DUSP13A: variants seen among roughly 807,000 people sequenced by gnomAD.
DUSP13A encodes the protein dual specificity protein phosphatase 13A.
chr10:75,108,402 G>GGT, the DUSP13A span: 15 of 1,025,610 alleles, frequency 1.5e-5, no homozygotes, highest in Non-Finnish European at 1.9e-5. Flanking sequence ...CTGAGCCGGC[G>GGT]GTGTGTGTGT....
At chr10:75,108,298 A>G in the DUSP13A span, 1 of 1,503,708 alleles carries the variant, frequency 6.7e-7, no homozygotes, top group Non-Finnish European at 8.8e-7. Flanking sequence ...AGAGGGACCG[A>G]GCCATTAGGG....
chr10:75,105,672 G>T, the DUSP13A span: 3 of 1,548,812 alleles, frequency 1.9e-6, no homozygotes, highest in Non-Finnish European at 2.6e-6. Context: ...TGGCCCCTCA[G>T]CTCTGGCCGG....
the DUSP13A span, chr10:75,109,050 G>C: frequency 3.3e-5 from 53 of 1,611,572 alleles, no homozygotes; most frequent in Non-Finnish European, 4.2e-5. Context: ...CGTCCACACG[G>C]CTGCAAGAAG....
At chr10:75,106,101 CTTTTTTT>C in the DUSP13A span, among the ~76,000 whole-genome samples, 1 of 123,022 alleles carries the variant, frequency 8.1e-6, no homozygotes, top group Non-Finnish European at 1.7e-5. Flanking sequence ...TCTTTCTTTT[CTTTTTTT>C]TTTTTTTTTT....
chr10:75,107,999 C>T, the DUSP13A span: 19 of 1,611,740 alleles, frequency 1.2e-5, no homozygotes, highest in Middle Eastern at 1.6e-4. Context: ...TACCCCCAGG[C>T]GTGTTGAGGG....
the DUSP13A span, chr10:75,108,142 T>C: frequency 2.5e-6 from 4 of 1,613,134 alleles, no homozygotes; most frequent in Non-Finnish European, 3.4e-6. Flanking sequence ...TAGAGGCCCT[T>C]GTGGGCGGCG....
chr10:75,107,046 A>G, the DUSP13A span, among the ~76,000 whole-genome samples: 477 of 152,278 alleles, frequency 3.1e-3, 2 homozygotes, highest in African/African-American at 0.011. Flanking sequence ...AGTTAAAAGT[A>G]CTTTGGGGGC....
chr10:75,106,636 C>T, the DUSP13A span, among the ~76,000 whole-genome samples: 1 of 152,232 alleles, frequency 6.6e-6, no homozygotes, highest in Admixed American at 6.5e-5. Flanking sequence ...GCCCTCCACA[C>T]TGGCCCACTC....
the DUSP13A span, chr10:75,108,281 C>G: frequency 2.6e-6 from 4 of 1,520,986 alleles, no homozygotes; most frequent in Non-Finnish European, 3.5e-6. Flanking sequence ...GCCTGGCCCC[C>G]TGCTGCAGAG....
At chr10:75,109,146 G>A in the DUSP13A span, 1 of 1,595,560 alleles carries the variant, frequency 6.3e-7, no homozygotes, top group Non-Finnish European at 8.5e-7. Context: ...CTGGGAGAGA[G>A]GTCTCAGCCA....
chr10:75,108,087 A>C, the DUSP13A span: 16 of 1,613,908 alleles, frequency 9.9e-6, no homozygotes, highest in Non-Finnish European at 1.4e-5. Flanking sequence ...TGGCACCCCC[A>C]GGTAGCTCAC....
the DUSP13A span, chr10:75,108,975 C>T: frequency 6.4e-7 from 1 of 1,570,028 alleles, no homozygotes; most frequent in East Asian, 2.3e-5. Flanking sequence ...CTCCACGTCC[C>T]CACCCCCATG....
At chr10:75,108,934 C>A in the DUSP13A span, 1 of 1,524,024 alleles carries the variant, frequency 6.6e-7, no homozygotes. Flanking sequence ...TTCCACCCTC[C>A]TGTGTCTGGT....
At chr10:75,108,933 C>T in the DUSP13A span, 3 of 1,523,504 alleles carry the variant, frequency 2.0e-6, no homozygotes, top group Non-Finnish European at 2.7e-6. Context: ...TTTCCACCCT[C>T]CTGTGTCTGG....
chr10:75,109,069 GC>G, the DUSP13A span: 1 of 1,612,272 alleles, frequency 6.2e-7, no homozygotes, highest in Non-Finnish European at 8.5e-7. Context: ...AGACTTCCCT[GC>G]CCGCAGGAGC....
At chr10:75,106,073 C>T in the DUSP13A span, among the ~76,000 whole-genome samples, 126 of 151,180 alleles carry the variant, frequency 8.3e-4, no homozygotes, top group African/African-American at 3.0e-3. Flanking sequence ...GGATAGGGTC[C>T]GAATTTCTTT....
the DUSP13A span, among the ~76,000 whole-genome samples, chr10:75,107,778 T>C: frequency 6.6e-6 from 1 of 152,208 alleles, no homozygotes; most frequent in Non-Finnish European, 1.5e-5. Flanking sequence ...GGTTTCACCG[T>C]GTTGGCCAGG....
the DUSP13A span, among the ~76,000 whole-genome samples, chr10:75,106,895 A>G: frequency 6.6e-6 from 1 of 152,256 alleles, no homozygotes; most frequent in Admixed American, 6.5e-5. Context: ...AGGAAACTGA[A>G]GTCCAGAAAG....
the DUSP13A span, among the ~76,000 whole-genome samples, chr10:75,107,071 C>T: frequency 2.0e-5 from 3 of 152,270 alleles, no homozygotes; most frequent in East Asian, 5.8e-4. Flanking sequence ...TGCGGTGGCT[C>T]ATGCCTATAA....
Sources: gnomAD v4.1 joint callset for allele counts (sites outside exome capture counted in the v4.1 genomes callset) on GRCh38, gnomAD v4.1.1 for gene constraint, MANE v1.5 for transcripts, NCBI Gene and HGNC (gene_info 2026-07-23, HGNC 2026-07-21) for gene names.